BRK1: variants seen among roughly 807,000 people sequenced by gnomAD.
The protein encoded by BRK1 is protein BRICK1.
BRK1 carries 6 observed loss-of-function variants against 9.9 expected under a neutral mutation model. The ratio of observed to expected loss-of-function variants is 0.60; its 90% CI spans 0.33 to 1.19. The LOEUF (loss-of-function observed/expected upper bound fraction) is 1.19, where lower values mean the gene tolerates loss of function less well. Among genes scored for constraint, BRK1 ranks in the 50% most tolerant of loss-of-function variants. The pLI, the probability that BRK1 is intolerant of heterozygous loss-of-function variation, is 0.04. For missense variants in BRK1, 62 were observed against 97.5 expected, an observed-to-expected ratio of 0.64 and a Z score of 1.53; for synonymous variants, 44 against 31.9, an observed-to-expected ratio of 1.38 and a Z score of -1.28.
chr3:10,125,525 G>C (rs1695827176), intron 1 of BRK1, 101 bp from the exon 2 acceptor site: 1 of 703,822 alleles, frequency 1.4e-6, no homozygotes. Flanking sequence ...ATTTCCATTT[G>C]TATTCTGTGT....
At position 10,126,462 on chromosome 3, in the gene BRK1, G is replaced by T; in HGVS notation, c.*167G>T. ...TTTGGGCTCTGCCATCTGGGGTGTGGTGTGGTATGTGGGAAGAAGTTCAGA... is the reference window on the plus strand; with the variant it reads ...TTTGGGCTCTGCCATCTGGGGTGTGTTGTGGTATGTGGGAAGAAGTTCAGA... On this transcript the variant is annotated 3_prime_UTR_variant, in exon 3 of 3. Transcript: ENST00000530758. 1 of 573,034 alleles carries T rather than the reference G, an allele frequency of 1.7e-6. No individual in the cohort carries two copies. The highest frequency in any genetic ancestry group is 3.0e-6 in the Non-Finnish European group (1 of 331,934). 35.5% of individuals were successfully genotyped at this position (573,034 alleles called of 1,614,324 possible).
intron 2 of BRK1, 59 bp downstream of exon 2, chr3:10,125,767 A>G (rs1322670262): frequency 5.5e-6 from 7 of 1,266,998 alleles, no homozygotes; most frequent in Non-Finnish European, 5.6e-6. Flanking sequence ...TATTGCTGAA[A>G]AAAACCTGAA....
intron 1 of BRK1, 67 bp downstream of exon 1, chr3:10,115,886 G>A: frequency 1.5e-6 from 2 of 1,309,912 alleles, no homozygotes; most frequent in African/African-American, 1.4e-5. Flanking sequence ...TGGGGCGCCG[G>A]GGAGATGCTT....
intron 1 of BRK1, among the ~76,000 whole-genome samples, chr3:10,120,674 T>C (rs1387590733): frequency 6.6e-6 from 1 of 152,212 alleles, no homozygotes; most frequent in Admixed American, 6.6e-5. Flanking sequence ...TTTCTCAGTG[T>C]TTTTTATTTG....
At position 10,115,743 on chromosome 3, in the gene BRK1, G is replaced by A; in HGVS notation, c.42G>A (p.Gln14=). The A allele has an allele frequency of 6.2e-7, 1 of 1,612,862 alleles. No homozygotes were observed. The highest frequency in any genetic ancestry group is 8.5e-7 in the Non-Finnish European group (1 of 1,179,262). Residue 14 remains glutamine (Q), a synonymous_variant, in exon 1 of 3, where the codon CAG becomes CAA. Coordinates refer to ENST00000530758, the MANE Select transcript of BRK1 (RefSeq NM_018462.5). ...ATCCGGTGCAGCGGGAGATTCACCAGGACTGGGCTAACCGGGAGTACATTG... is the reference window on the plus strand; with the variant it reads ...ATCCGGTGCAGCGGGAGATTCACCAAGACTGGGCTAACCGGGAGTACATTG... ...QEDPVQREIH[Q]DWANREYIEI...
chr3:10,119,993 G>GT (rs1205525576), intron 1 of BRK1, among the ~76,000 whole-genome samples: 1 of 151,976 alleles, frequency 6.6e-6, no homozygotes, highest in Non-Finnish European at 1.5e-5. Context: ...TGCTGGAAAA[G>GT]TAAGACTTAA....
intron 1 of BRK1, among the ~76,000 whole-genome samples, chr3:10,122,280 T>C (rs1398826031): frequency 1.3e-5 from 2 of 152,110 alleles, no homozygotes; most frequent in African/African-American, 4.8e-5. Context: ...ATCAAACCAT[T>C]CCAATCATGG....
At chr3:10,123,159 A>G (rs984828955) in intron 1 of BRK1, among the ~76,000 whole-genome samples, 1 of 152,220 alleles carries the variant, frequency 6.6e-6, no homozygotes, top group Non-Finnish European at 1.5e-5. Context: ...CTGTTACAGA[A>G]GTTTGCAGAG....
chr3:10,123,873 C>T (rs1277022025), intron 1 of BRK1, among the ~76,000 whole-genome samples: 2 of 141,368 alleles, frequency 1.4e-5, no homozygotes, highest in Non-Finnish European at 3.1e-5. Context: ...GTAGCTGGGA[C>T]TAGAGGCACC....
intron 1 of BRK1, among the ~76,000 whole-genome samples, chr3:10,123,083 A>C (rs1337000367): frequency 2.0e-5 from 3 of 152,250 alleles, no homozygotes; most frequent in Non-Finnish European, 4.4e-5. Context: ...AGAGAGTAGA[A>C]GATAATGACC....
intron 1 of BRK1, among the ~76,000 whole-genome samples, chr3:10,117,460 C>T (rs533444710): frequency 7.2e-6 from 1 of 138,846 alleles, no homozygotes; most frequent in South Asian, 2.3e-4. Context: ...GTGGCGTGAT[C>T]TCAGCTCACT....
intron 1 of BRK1, among the ~76,000 whole-genome samples, chr3:10,118,598 T>C (rs1312988462): frequency 6.6e-6 from 1 of 151,954 alleles, no homozygotes; most frequent in Non-Finnish European, 1.5e-5. Context: ...AGTGATTTTC[T>C]TGGCTTAGCT....
intron 1 of BRK1, among the ~76,000 whole-genome samples, chr3:10,116,428 C>G (rs1393613815): frequency 6.6e-6 from 1 of 151,046 alleles, no homozygotes; most frequent in Non-Finnish European, 1.5e-5. Flanking sequence ...GTATATATAG[C>G]TTATGGTAGG....
chr3:10,125,192 C>T (rs1367181750), intron 1 of BRK1, among the ~76,000 whole-genome samples: 3 of 151,494 alleles, frequency 2.0e-5, no homozygotes, highest in Non-Finnish European at 2.9e-5. Context: ...AACCTTTGCC[C>T]CCCCCGGTTC....
At chr3:10,125,339 A>T (rs1438883606) in intron 1 of BRK1, among the ~76,000 whole-genome samples, 1 of 152,064 alleles carries the variant, frequency 6.6e-6, no homozygotes, top group Non-Finnish European at 1.5e-5. Flanking sequence ...TCTTGACCTC[A>T]GGTGATCCAC....
At chr3:10,116,149 C>T (rs1695682445) in intron 1 of BRK1, among the ~76,000 whole-genome samples, 1 of 152,206 alleles carries the variant, frequency 6.6e-6, no homozygotes, top group Non-Finnish European at 1.5e-5. Flanking sequence ...CCTTTGTACT[C>T]TGCATCCATT....
intron 1 of BRK1, among the ~76,000 whole-genome samples, chr3:10,117,684 A>G (rs1695704989): frequency 6.6e-6 from 1 of 151,976 alleles, no homozygotes; most frequent in Non-Finnish European, 1.5e-5. Context: ...GGCCTGAGCC[A>G]CTGTGCCCTG....
At chr3:10,123,758 T>C (rs1463230964) in intron 1 of BRK1, among the ~76,000 whole-genome samples, 75 of 85,740 alleles carry the variant, frequency 8.7e-4, no homozygotes, top group Admixed American at 1.4e-3. Flanking sequence ...TTTTTTGAGA[T>C]GGAGTCTCAC....
intron 1 of BRK1, among the ~76,000 whole-genome samples, chr3:10,118,760 T>G (rs575986606): frequency 6.6e-6 from 1 of 152,162 alleles, no homozygotes; most frequent in East Asian, 1.9e-4. Context: ...AGTGCTGGGA[T>G]TACAGGCATG....
Sources: allele counts gnomAD v4.1 joint callset (sites outside exome capture counted in the v4.1 genomes callset), GRCh38; gene constraint gnomAD v4.1.1; transcripts MANE v1.5; gene names NCBI Gene and HGNC (gene_info 2026-07-23, HGNC 2026-07-21).